The following CPNE4 variants were observed in gnomAD, a reference collection of about 807,000 sequenced individuals.
CPNE4 encodes the protein copine-4.
A neutral mutation model predicts 67.9 loss-of-function variants in CPNE4; 25 were observed. That is an observed-to-expected ratio of 0.37 (90% CI 0.27 to 0.51). The LOEUF (loss-of-function observed/expected upper bound fraction) is 0.51. Ranked by LOEUF, CPNE4 falls within the 20% of genes least tolerant of loss-of-function variation. The probability of loss-of-function intolerance (pLI) is 0.93; values close to 1 mark genes in which losing one functional copy is unlikely to be tolerated. For missense variants in CPNE4, 464 were observed against 690.8 expected (o/e 0.67, Z 3.68); for synonymous variants, 242 against 244.9 (o/e 0.99, Z 0.11).
intron 1 of CPNE4, among the ~76,000 whole-genome samples, chr3:131,964,566 T>C (rs1397288839): frequency 6.6e-6 from 1 of 151,520 alleles, no homozygotes; most frequent in Non-Finnish European, 1.5e-5. Flanking sequence ...CATGAGAACT[T>C]TGTGAAGCAT....
At chr3:132,002,241 A>T (rs1323334415) in intron 1 of CPNE4, among the ~76,000 whole-genome samples, 1 of 152,152 alleles carries the variant, frequency 6.6e-6, no homozygotes, top group African/African-American at 2.4e-5. Context: ...GTCAAAGACC[A>T]ATTGCTGCAG....
chr3:131,568,580 G>A (rs996527339), intron 10 of CPNE4, among the ~76,000 whole-genome samples: 1 of 152,004 alleles, frequency 6.6e-6, no homozygotes, highest in Non-Finnish European at 1.5e-5. Context: ...CACAAGAACA[G>A]GTGCCCAGTG....
intron 9 of CPNE4, among the ~76,000 whole-genome samples, chr3:131,576,686 G>A (rs1937555623): frequency 1.3e-5 from 2 of 152,080 alleles, no homozygotes; most frequent in Admixed American, 6.6e-5. Context: ...GGAAGCAAAA[G>A]CAATGAAGGG....
At chr3:131,571,287 A>T (rs533394439) in intron 10 of CPNE4, among the ~76,000 whole-genome samples, 7 of 151,998 alleles carry the variant, frequency 4.6e-5, no homozygotes, top group African/African-American at 1.7e-4. Flanking sequence ...TGCCAGATAG[A>T]GGTCCTCTAC....
At chr3:131,847,095 C>T (rs1490248804) in intron 2 of CPNE4, among the ~76,000 whole-genome samples, 2 of 152,322 alleles carry the variant, frequency 1.3e-5, no homozygotes, top group East Asian at 3.9e-4. Context: ...AATGGTCTCT[C>T]TCAAGTGTAA....
intron 2 of CPNE4, among the ~76,000 whole-genome samples, chr3:131,752,231 G>C (rs913783809): frequency 3.3e-5 from 5 of 152,020 alleles, no homozygotes; most frequent in African/African-American, 1.2e-4. Context: ...TCTTATTATA[G>C]CCTTGAGAGG....
chr3:131,535,289 A>G lies in CPNE4; in HGVS notation c.1580T>C (p.Val527Ala). ...GTAATAGTCCACAACTTGGTTTGGG[A>G]CTTCAGCCAGCACGCTCTTTGCCAG... ...AALAKSVLAE[V>A]PNQVVDYYNG... Residue 527 changes from valine (V) to alanine (A), a missense_variant, in exon 16 of 16, where the codon GTC becomes GCC. Coordinates refer to ENST00000429747, the MANE Select transcript of CPNE4 (RefSeq NM_130808.3). 6.2e-7 allele frequency: 1 copy of G among 1,613,896 alleles called. No individual in the cohort carries two copies. Among genetic ancestry groups the G allele is most frequent in the Non-Finnish European group, 8.5e-7 (1 of 1,180,004 alleles).
rs1366728364 is a variant in CPNE4, at chr3:131,535,024, C to T, written c.*171G>A. On this transcript the variant is annotated 3_prime_UTR_variant, in exon 16 of 16. Transcript: ENST00000429747. ...ACAAGGGCTTAACAGATCCAGGCCTCAGGGCTACACATGCAAAAAAAATTG... is the reference window on the plus strand; with the variant it reads ...ACAAGGGCTTAACAGATCCAGGCCTTAGGGCTACACATGCAAAAAAAATTG... The T allele has an allele frequency of 3.7e-6, 2 of 534,544 alleles. No homozygotes were observed. The highest frequency in any genetic ancestry group is 3.9e-5 in the African/African-American group (2 of 51,222). 33.1% of individuals were successfully genotyped at this position (534,544 alleles called of 1,614,324 possible).
At chr3:131,929,142 ATCT>A (rs1167225271) in intron 1 of CPNE4, among the ~76,000 whole-genome samples, 1 of 145,388 alleles carries the variant, frequency 6.9e-6, no homozygotes, top group Non-Finnish European at 1.5e-5. Context: ...GTATCCTGTC[ATCT>A]TCTCCTCTTC....
At chr3:131,851,776 C>G (rs1478994835) in intron 2 of CPNE4, among the ~76,000 whole-genome samples, 2 of 152,002 alleles carry the variant, frequency 1.3e-5, no homozygotes, top group Non-Finnish European at 1.5e-5. Context: ...AATTCAGTTA[C>G]CACCTGCAGA....
intron 1 of CPNE4, among the ~76,000 whole-genome samples, chr3:131,996,013 C>A (rs1048044251): frequency 2.6e-5 from 4 of 152,194 alleles, no homozygotes; most frequent in Non-Finnish European, 5.9e-5. Flanking sequence ...TTAGAAGTGT[C>A]ATTCCTGTGC....
intron 2 of CPNE4, among the ~76,000 whole-genome samples, chr3:131,877,482 C>T (rs928137120): frequency 2.6e-5 from 4 of 152,052 alleles, no homozygotes; most frequent in Admixed American, 6.6e-5. Context: ...TTCTGATACT[C>T]GTAGCTGAAA....
intron 3 of CPNE4, among the ~76,000 whole-genome samples, chr3:131,709,814 C>T (rs1211486848): frequency 1.3e-5 from 2 of 152,250 alleles, no homozygotes; most frequent in Non-Finnish European, 2.9e-5. Context: ...AGAACTCTTG[C>T]TCTTCCCTCT....
intron 1 of CPNE4, among the ~76,000 whole-genome samples, chr3:131,988,652 T>A (rs899773601): frequency 1.1e-4 from 17 of 152,196 alleles, no homozygotes; most frequent in African/African-American, 3.9e-4. Context: ...CAGGGTGTCA[T>A]GCACAAAAAT....
chr3:131,564,115 A>G, intron 11 of CPNE4, 101 bp downstream of exon 11: 2 of 1,361,608 alleles, frequency 1.5e-6, no homozygotes. Context: ...CTACATAAGG[A>G]GCTACTAGAC....
At chr3:131,823,218 T>C (rs965723872) in intron 2 of CPNE4, among the ~76,000 whole-genome samples, 19 of 152,230 alleles carry the variant, frequency 1.2e-4, no homozygotes, top group Non-Finnish European at 7.3e-5. Flanking sequence ...AAGTATACTA[T>C]GTGCCATGCA....
At chr3:131,645,372 G>A (rs1386185767) in intron 7 of CPNE4, among the ~76,000 whole-genome samples, 1 of 152,052 alleles carries the variant, frequency 6.6e-6, no homozygotes, top group African/African-American at 2.4e-5. Flanking sequence ...CATTTCATCT[G>A]ATGTCTCACC....
At chr3:131,861,631 C>T (rs765167009) in intron 2 of CPNE4, among the ~76,000 whole-genome samples, 4 of 152,114 alleles carry the variant, frequency 2.6e-5, no homozygotes, top group African/African-American at 4.8e-5. Flanking sequence ...TGGGGTTTCA[C>T]TATGTTGGCC....
intron 2 of CPNE4, among the ~76,000 whole-genome samples, chr3:131,831,655 T>G (rs2085373489): frequency 6.6e-6 from 1 of 152,198 alleles, no homozygotes; most frequent in African/African-American, 2.4e-5. Flanking sequence ...TAAAATTTTC[T>G]TTTATACATT....
Sources: allele counts gnomAD v4.1 joint callset (sites outside exome capture counted in the v4.1 genomes callset), GRCh38; gene constraint gnomAD v4.1.1; transcripts MANE v1.5; gene names NCBI Gene and HGNC (gene_info 2026-07-23, HGNC 2026-07-21).